Variants in MEGF10 observed in about 807,000 individuals in gnomAD.
MEGF10 encodes multiple EGF like domains 10, also known as multiple epidermal growth factor-like domains protein 10.
A neutral mutation model predicts 147.5 loss-of-function variants in MEGF10; 86 were observed. That is an observed-to-expected ratio of 0.58 (90% CI 0.49 to 0.70). The LOEUF is 0.70. Among genes scored for constraint, MEGF10 ranks in the 30% least tolerant of loss-of-function variants. The pLI, the probability that MEGF10 is intolerant of heterozygous loss-of-function variation, is 0.00. For synonymous variants in MEGF10, 478 were observed against 525.5 expected (o/e 0.91, Z 1.24); for missense variants, 1,329 against 1,487.3 (o/e 0.89, Z 1.75).
chr5:127,419,928 G>A (rs980871870), intron 11 of MEGF10, 116 bp from the exon 12 acceptor site: 3 of 1,220,664 alleles, frequency 2.5e-6, no homozygotes, highest in East Asian at 2.5e-5. Flanking sequence ...CTCTGCTGCT[G>A]TGGCTGGGGC....
At chr5:127,398,316 C>G (rs566236294) in intron 6 of MEGF10, among the ~76,000 whole-genome samples, 24 of 151,908 alleles carry the variant, frequency 1.6e-4, no homozygotes, top group Non-Finnish European at 2.4e-4. Flanking sequence ...GGGAACAGAA[C>G]AAACATATAA....
At chr5:127,430,372 A>G (rs1428069302) in intron 13 of MEGF10, among the ~76,000 whole-genome samples, 1 of 152,240 alleles carries the variant, frequency 6.6e-6, no homozygotes, top group Non-Finnish European at 1.5e-5. Context: ...ACACAGAGCC[A>G]GAAATAATGG....
At chr5:127,411,573 C>T (rs181426119) in intron 9 of MEGF10, among the ~76,000 whole-genome samples, 24 of 151,822 alleles carry the variant, frequency 1.6e-4, no homozygotes, top group African/African-American at 4.8e-4. Flanking sequence ...TGTGTGTGCG[C>T]GCATATGTGT....
chr5:127,369,777 C>T (rs924570384), intron 4 of MEGF10, 133 bp from the exon 5 acceptor site: 22 of 597,650 alleles, frequency 3.7e-5, no homozygotes, highest in Middle Eastern at 3.5e-4. Context: ...GGCTGAGGAA[C>T]GGACTGAAGA....
intron 1 of MEGF10, among the ~76,000 whole-genome samples, chr5:127,329,153 G>A (rs1441645732): frequency 6.6e-6 from 1 of 151,978 alleles, no homozygotes; most frequent in African/African-American, 2.4e-5. Flanking sequence ...TTTATATAAT[G>A]TTAAGCTTCA....
intron 13 of MEGF10, among the ~76,000 whole-genome samples, chr5:127,427,556 G>A (rs930240095): frequency 2.0e-5 from 3 of 151,802 alleles, no homozygotes; most frequent in Non-Finnish European, 4.4e-5. Flanking sequence ...AAGTTGATGT[G>A]AAGAGCCCAC....
chr5:127,245,194 T>C, the MEGF10 span, among the ~76,000 whole-genome samples: 1 of 152,170 alleles, frequency 6.6e-6, no homozygotes, highest in Non-Finnish European at 1.5e-5. Flanking sequence ...TCACACTACC[T>C]GTCTTCAAAC....
the MEGF10 span, among the ~76,000 whole-genome samples, chr5:127,247,389 GA>G: frequency 0.017 from 498 of 29,682 alleles, 74 homozygotes; most frequent in African/African-American, 0.066. Context: ...AGAAGAAGAA[GA>G]AGAAGAAGAA....
chr5:127,229,728 G>A, the MEGF10 span: 1 of 152,204 alleles, frequency 6.6e-6, no homozygotes, highest in Admixed American at 6.5e-5. Flanking sequence ...CTCCGGGCGT[G>A]TGTATCAGCC....
At chr5:127,256,078 G>A in the MEGF10 span, among the ~76,000 whole-genome samples, 11 of 152,244 alleles carry the variant, frequency 7.2e-5, no homozygotes, top group East Asian at 1.9e-3. Flanking sequence ...TCCCATGACT[G>A]CCCTAACCAA....
At position 127,294,634 on chromosome 5, in the gene MEGF10, A is replaced by T. The variant is rs1759411025; in HGVS notation, c.-19+3578A>T. On this transcript the variant is annotated intron_variant, in intron 1 of 24. Coordinates refer to ENST00000503335, the MANE Select transcript of MEGF10 (RefSeq NM_001256545.2). Reference sequence around the variant, plus strand: ...GCCAAAATGGCGAAATCCTGTCTCTACTAAAAATACCAGAATTAGCCGTGA... The same window carrying T: ...GCCAAAATGGCGAAATCCTGTCTCTTCTAAAAATACCAGAATTAGCCGTGA... Among the ~76,000 whole-genome samples, 3 of 152,108 alleles carry T rather than the reference A, an allele frequency of 2.0e-5. No individual in the cohort carries two copies. In the South Asian group the frequency reaches 6.2e-4, roughly 32 times the overall value.
At chr5:127,381,454 G>A (rs1056983471) in intron 5 of MEGF10, among the ~76,000 whole-genome samples, 2 of 152,126 alleles carry the variant, frequency 1.3e-5, no homozygotes, top group Admixed American at 6.5e-5. Context: ...CTGTACCAAT[G>A]TGTTTGCTGG....
At chr5:127,304,477 G>A (rs547157566) in intron 1 of MEGF10, among the ~76,000 whole-genome samples, 36 of 152,116 alleles carry the variant, frequency 2.4e-4, no homozygotes, top group African/African-American at 7.9e-4. Context: ...CTATCAGGAC[G>A]TATGTTCTTT....
At chr5:127,360,069 T>G (rs1008823372) in intron 4 of MEGF10, among the ~76,000 whole-genome samples, 5 of 152,122 alleles carry the variant, frequency 3.3e-5, no homozygotes, top group Non-Finnish European at 7.4e-5. Flanking sequence ...GCTGTCTCAC[T>G]ATTTAAGATA....
chr5:127,391,619 G>A (rs953446224), intron 5 of MEGF10, among the ~76,000 whole-genome samples: 6 of 151,126 alleles, frequency 4.0e-5, no homozygotes, highest in Non-Finnish European at 8.8e-5. Flanking sequence ...AAAGGGAGAG[G>A]CTACCATTAT....
At chr5:127,428,833 G>A (rs899750840) in intron 13 of MEGF10, among the ~76,000 whole-genome samples, 1 of 152,212 alleles carries the variant, frequency 6.6e-6, no homozygotes, top group African/African-American at 2.4e-5. Flanking sequence ...TTTATTTACT[G>A]CATTCATGCA....
intron 1 of MEGF10, among the ~76,000 whole-genome samples, chr5:127,305,754 T>C (rs1759985053): frequency 6.6e-6 from 1 of 152,204 alleles, no homozygotes; most frequent in Non-Finnish European, 1.5e-5. Flanking sequence ...CGGGGATGGT[T>C]TAGAGTGCCT....
intron 13 of MEGF10, among the ~76,000 whole-genome samples, chr5:127,422,986 G>A (rs1010157080): frequency 6.6e-6 from 1 of 152,166 alleles, no homozygotes; most frequent in East Asian, 1.9e-4. Flanking sequence ...TACAAGTAAG[G>A]TCCAGCTGTC....
chr5:127,255,895 A>T, the MEGF10 span, among the ~76,000 whole-genome samples: 2 of 152,142 alleles, frequency 1.3e-5, no homozygotes, highest in Non-Finnish European at 2.9e-5. Context: ...CATGGTTTAC[A>T]ACCTTGTTTG....
Sources: gnomAD v4.1 joint callset for allele counts (sites outside exome capture counted in the v4.1 genomes callset) on GRCh38, gnomAD v4.1.1 for gene constraint, MANE v1.5 for transcripts, NCBI Gene and HGNC (gene_info 2026-07-23, HGNC 2026-07-21) for gene names.